KLRD1: variants seen among roughly 807,000 people sequenced by gnomAD.
KLRD1 encodes killer cell lectin like receptor D1.
A neutral mutation model predicts 22.6 loss-of-function variants in KLRD1; 21 were observed. The ratio of observed to expected loss-of-function variants is 0.93; its 90% confidence interval spans 0.66 to 1.34. The LOEUF is 1.34. Ranked by LOEUF, KLRD1 falls within the 40% of genes most tolerant of loss-of-function variation. The pLI, the probability that KLRD1 is intolerant of heterozygous loss-of-function variation, is 0.00. For missense variants in KLRD1, 183 were observed against 208.6 expected (o/e 0.88, Z 0.76); for synonymous variants, 59 against 71.1 (o/e 0.83, Z 0.85).
intron 4 of KLRD1, 21 bp downstream of exon 4, chr12:10,311,636 T>C: frequency 6.2e-7 from 1 of 1,608,798 alleles, no homozygotes; most frequent in Non-Finnish European, 8.5e-7. Flanking sequence ...AGTCTGATTT[T>C]CTACATTTTC....
At chr12:10,278,812 T>C (rs1478614402) in intron 1 of KLRD1, among the ~76,000 whole-genome samples, 1 of 152,172 alleles carries the variant, frequency 6.6e-6, no homozygotes, top group Non-Finnish European at 1.5e-5. Flanking sequence ...TTTTGTTTTT[T>C]CCTGTATGAA....
intron 4 of KLRD1, among the ~76,000 whole-genome samples, chr12:10,313,095 A>G (rs1406139055): frequency 2.6e-5 from 4 of 152,150 alleles, no homozygotes; most frequent in South Asian, 4.1e-4. Flanking sequence ...TCACAATACC[A>G]TGATTTTGGA....
At chr12:10,240,366 T>C (rs566511527) in intron 1 of KLRD1, among the ~76,000 whole-genome samples, 74 of 152,206 alleles carry the variant, frequency 4.9e-4, no homozygotes, top group African/African-American at 1.7e-3. Flanking sequence ...AGCCCTCATT[T>C]CTATTTTCTA....
At chr12:10,241,634 A>G (rs1459420031) in intron 1 of KLRD1, among the ~76,000 whole-genome samples, 1 of 152,174 alleles carries the variant, frequency 6.6e-6, no homozygotes, top group African/African-American at 2.4e-5. Context: ...TTTCTAAAGT[A>G]AATACTATAA....
At position 10,315,733 on chromosome 12, in the gene KLRD1, A is replaced by C. The variant is rs1950210564; in HGVS notation, c.*940A>C. The C allele has an allele frequency of 6.6e-6, 1 of 152,162 alleles. No individual in the cohort carries two copies. Among genetic ancestry groups the C allele is most frequent in the South Asian group, 2.1e-4 (1 of 4,824 alleles). 9.4% of individuals were successfully genotyped at this position (152,162 alleles called of 1,614,324 possible). On this transcript the variant is annotated 3_prime_UTR_variant, in exon 6 of 6. Transcript: ENST00000336164. ...AGGCATTATCTTCTGTTTTGATTTT[A>C]ACACTTAGAGTGGTTTTCTCTGTTA...
intron 1 of KLRD1, among the ~76,000 whole-genome samples, chr12:10,266,797 T>C (rs1217618867): frequency 6.6e-6 from 1 of 151,650 alleles, no homozygotes; most frequent in Admixed American, 6.6e-5. Context: ...TATTATTAGG[T>C]TCCTTTCTTT....
intron 1 of KLRD1, among the ~76,000 whole-genome samples, chr12:10,284,339 C>CA (rs1383733930): frequency 1.3e-5 from 2 of 152,158 alleles, no homozygotes; most frequent in Non-Finnish European, 2.9e-5. Flanking sequence ...TATGAAACCA[C>CA]ATGTGGAGGG....
intron 1 of KLRD1, among the ~76,000 whole-genome samples, chr12:10,248,423 A>C (rs556179653): frequency 2.6e-4 from 40 of 152,260 alleles, no homozygotes; most frequent in South Asian, 2.1e-4. Context: ...AATTATGGTA[A>C]TGATAAGTAT....
rs972257662 is a variant in KLRD1 at position 10,321,512 on chromosome 12, C to A, written c.*6719C>A. 1 of 152,134 alleles carries A rather than the reference C, an allele frequency of 6.6e-6. No homozygotes were observed. Among genetic ancestry groups the A allele is most frequent in the Non-Finnish European group, 1.5e-5 (1 of 68,026 alleles). 9.4% of individuals were successfully genotyped at this position (152,134 alleles called of 1,614,324 possible). ...AGCTTCCTATATGCTCCCAATGATC[C>A]CTGTTTCTTGGAATTTAACCCTTTT... On this transcript the variant is annotated 3_prime_UTR_variant, in exon 6 of 6. Coordinates refer to ENST00000336164, the MANE Select transcript of KLRD1 (RefSeq NM_002262.5).
intron 1 of KLRD1, among the ~76,000 whole-genome samples, chr12:10,290,172 C>G (rs928376102): frequency 2.0e-5 from 3 of 152,136 alleles, no homozygotes; most frequent in Non-Finnish European, 4.4e-5. Flanking sequence ...AATATAACTG[C>G]AAAGGCATTG....
At chr12:10,298,992 A>G (rs2137674798) in intron 1 of KLRD1, among the ~76,000 whole-genome samples, 1 of 152,214 alleles carries the variant, frequency 6.6e-6, no homozygotes, top group South Asian at 2.1e-4. Context: ...TCAGCAGCTT[A>G]CCCTGGTCCT....
chr12:10,269,813 G>A (rs796767183), intron 1 of KLRD1, among the ~76,000 whole-genome samples: 6 of 151,460 alleles, frequency 4.0e-5, no homozygotes, highest in Admixed American at 1.3e-4. Context: ...CTTATAGTAC[G>A]GAGTATTTGA....
intron 1 of KLRD1, among the ~76,000 whole-genome samples, chr12:10,281,598 C>G (rs1949643834): frequency 6.6e-6 from 1 of 151,702 alleles, no homozygotes; most frequent in Non-Finnish European, 1.5e-5. Context: ...CCCTGAGATT[C>G]TCTCCCGAGA....
chr12:10,288,500 AG>A (rs1244033855), intron 1 of KLRD1, among the ~76,000 whole-genome samples: 1 of 152,216 alleles, frequency 6.6e-6, no homozygotes, highest in Non-Finnish European at 1.5e-5. Flanking sequence ...AGGTAGAGGT[AG>A]ACAAAGGTTA....
intron 1 of KLRD1, among the ~76,000 whole-genome samples, chr12:10,251,400 C>T (rs981714850): frequency 2.2e-4 from 34 of 152,012 alleles, no homozygotes; most frequent in African/African-American, 7.5e-4. Flanking sequence ...GCTGGGATTA[C>T]AGGTATGAGC....
At chr12:10,249,798 G>T (rs1230997237) in intron 1 of KLRD1, among the ~76,000 whole-genome samples, 1 of 152,168 alleles carries the variant, frequency 6.6e-6, no homozygotes, top group Non-Finnish European at 1.5e-5. Context: ...GTAGCAGTCA[G>T]TGCCTTTCAC....
Position 10,309,692 on chromosome 12 carries a change from G to T in KLRD1, c.163+4G>T. ...CCCAACATAGAACTCCAGAAAGGTA[G>T]GTCACATTTTTTGGAAAACTTAGCA... On this transcript the variant is annotated splice_donor_region_variant and intron_variant, in intron 3 of 5. Coordinates refer to ENST00000336164, the MANE Select transcript of KLRD1 (RefSeq NM_002262.5). 6.2e-7 allele frequency: 1 copy of T among 1,609,886 alleles called. No homozygotes were observed. The highest frequency in any genetic ancestry group is 8.5e-7 in the Non-Finnish European group (1 of 1,176,568).
chr12:10,274,195 G>A (rs912873036), intron 1 of KLRD1, among the ~76,000 whole-genome samples: 10 of 152,052 alleles, frequency 6.6e-5, no homozygotes, highest in African/African-American at 2.2e-4. Context: ...CAGGAGAATC[G>A]CTTGAACCCG....
chr12:10,319,877 T>TC lies in KLRD1; in HGVS notation c.*5084_*5085insC, dbSNP rs1305052110. 6.7e-6 allele frequency: 1 copy of TC among 148,450 alleles called. No individual in the cohort carries two copies. The highest frequency in any genetic ancestry group is 6.7e-5 in the Admixed American group (1 of 14,930). 9.2% of individuals were successfully genotyped at this position (148,450 alleles called of 1,614,324 possible). A position where few individuals can be genotyped will look rare whatever the true frequency, so the allele number is the denominator to read the frequency against. On this transcript the variant is annotated 3_prime_UTR_variant, in exon 6 of 6. Coordinates refer to ENST00000336164, the MANE Select transcript of KLRD1 (RefSeq NM_002262.5). Reference sequence around the variant, plus strand: ...TAAAGTGTTTATTCTTTTTTTTTTTTTTTTTTTTGACAGAGTCTCACTCTG... The same window carrying TC: ...TAAAGTGTTTATTCTTTTTTTTTTTTCTTTTTTTTGACAGAGTCTCACTCTG...
Sources: allele counts gnomAD v4.1 joint callset (sites outside exome capture counted in the v4.1 genomes callset), GRCh38; gene constraint gnomAD v4.1.1; transcripts MANE v1.5; gene names NCBI Gene and HGNC (gene_info 2026-07-23, HGNC 2026-07-21).